Variants in DAP3 observed in about 807,000 individuals in gnomAD.
DAP3 encodes the protein death associated protein 3, also known as small ribosomal subunit protein mS29.
In DAP3, 28 loss-of-function variants were observed where a neutral mutation model predicts 51.9. That is an observed-to-expected ratio of 0.54 (90% CI 0.40 to 0.74). DAP3 has a LOEUF of 0.74. DAP3 is among the 30% of genes least tolerant of loss of function. DAP3 has a pLI of 0.00. For missense variants in DAP3, 458 were observed against 483.5 expected (o/e 0.95, Z 0.49); for synonymous variants, 170 against 170.3 (o/e 1.00, Z 0.01).
At chr1:155,688,183 C>A, upstream of DAP3, 1 of 1,613,916 alleles carries the variant, frequency 6.2e-7, no homozygotes, top group Non-Finnish European at 8.5e-7. Flanking sequence ...TGTCAGGAGG[C>A]GGCCAGCGGG....
intron 1 of DAP3, among the ~76,000 whole-genome samples, chr1:155,690,968 C>T (rs376455666): frequency 1.4e-5 from 2 of 141,676 alleles, no homozygotes; most frequent in Admixed American, 1.3e-4. Context: ...AGTGCAGTGG[C>T]GCGATCTCGG....
chr1:155,716,010 G>A (rs917820852), intron 2 of DAP3, among the ~76,000 whole-genome samples: 2 of 152,188 alleles, frequency 1.3e-5, no homozygotes, highest in African/African-American at 2.4e-5. Flanking sequence ...TGATAACTGA[G>A]GTGACTGACA....
intron 3 of DAP3, among the ~76,000 whole-genome samples, chr1:155,720,324 CAAAAAAAAAAAAA>C (rs61252469): frequency 2.4e-4 from 8 of 32,788 alleles, no homozygotes; most frequent in Non-Finnish European, 3.6e-4. Flanking sequence ...GATCTTGTCT[CAAAAAAAAAAAAA>C]AAAAAAAAAA....
rs1462857143 is a variant in DAP3 at position 155,692,112 on chromosome 1, A to G, written c.-8+2938A>G. 7.0e-5 allele frequency among the ~76,000 whole-genome samples: 10 copies of G among 141,994 alleles called. 1 individual carries two copies. The highest frequency in any genetic ancestry group is 1.0e-4 in the Non-Finnish European group (7 of 68,040). The allele number at this position is 141,994 out of a possible 152,430, so 93.2% of individuals were successfully genotyped here. A position where few individuals can be genotyped will look rare whatever the true frequency, so the allele number is the denominator to read the frequency against. On this transcript the variant is annotated intron_variant, in intron 1 of 12. Transcript: ENST00000368336. ...TTAAGTGAATCTCCTTTGTGCTTAA[A>G]CAACGTATCTTTAGTTAGCTGGTGG...
chr1:155,724,318 AAGTCT>A (rs1658326771), intron 4 of DAP3, among the ~76,000 whole-genome samples: 1 of 152,088 alleles, frequency 6.6e-6, no homozygotes, highest in Non-Finnish European at 1.5e-5. Flanking sequence ...CTAGAGAAAA[AAGTCT>A]AAATGGTTAA....
At chr1:155,709,752 C>CTTTTT in intron 1 of DAP3, 21 bp from the exon 2 acceptor site, 2 of 1,331,480 alleles carry the variant, frequency 1.5e-6, no homozygotes, top group South Asian at 1.3e-5. Context: ...TACCTTTTCA[C>CTTTTT]TTTTTTTTTT....
chr1:155,704,811 A>G (rs572420668), intron 1 of DAP3, among the ~76,000 whole-genome samples: 4 of 151,986 alleles, frequency 2.6e-5, no homozygotes, highest in African/African-American at 9.6e-5. Context: ...GAAACCCTGT[A>G]TCTACTAAAA....
chr1:155,721,705 TA>T (rs2149175839), intron 4 of DAP3, 87 bp downstream of exon 4: 1 of 1,280,398 alleles, frequency 7.8e-7, no homozygotes, highest in Non-Finnish European at 1.1e-6. Flanking sequence ...GAAGAAAATT[TA>T]AAAAGATGAA....
chr1:155,729,880 G>A (rs1250442037), intron 9 of DAP3, among the ~76,000 whole-genome samples: 5 of 151,794 alleles, frequency 3.3e-5, no homozygotes, highest in African/African-American at 1.2e-4. Context: ...CTTGGAGTTC[G>A]AGACCAGCCT....
intron 1 of DAP3, among the ~76,000 whole-genome samples, chr1:155,693,281 A>G (rs1250878529): frequency 7.0e-6 from 1 of 142,046 alleles, no homozygotes; most frequent in East Asian, 1.9e-4. Context: ...GGCTTGACAC[A>G]GCTCTGAATG....
At chr1:155,737,287 G>A (rs1302632508) in intron 12 of DAP3, among the ~76,000 whole-genome samples, 1 of 152,170 alleles carries the variant, frequency 6.6e-6, no homozygotes, top group Non-Finnish European at 1.5e-5. Flanking sequence ...TGATAAAGAA[G>A]GGAACAAAGG....
intron 4 of DAP3, among the ~76,000 whole-genome samples, chr1:155,724,024 G>A (rs987048271): frequency 6.8e-6 from 1 of 146,970 alleles, no homozygotes; most frequent in African/African-American, 2.6e-5. Flanking sequence ...GTGCGACAGA[G>A]CGAGACTCTG....
In DAP3 at chr1:155,700,704, G is replaced by A. The variant is rs1459486899; in HGVS notation, c.-7-9069G>A. On this transcript the variant is annotated intron_variant, in intron 1 of 12. Coordinates refer to ENST00000368336, the MANE Select transcript of DAP3 (RefSeq NM_004632.4). ...GTCCGGGAGGGAGATGGGGGGGTCA[G>A]CCCCCCAACCCGGCCAGCCGCCCCG... Among the ~76,000 whole-genome samples the A allele has an allele frequency of 2.9e-5, 4 of 138,022 alleles. No individual in the cohort carries two copies. In the East Asian group the frequency reaches 9.2e-4, roughly 32 times the overall value. The allele number at this position is 138,022 out of a possible 152,430, so 90.5% of individuals were successfully genotyped here.
chr1:155,692,776 C>T (rs1263628685), intron 1 of DAP3, among the ~76,000 whole-genome samples: 1 of 142,352 alleles, frequency 7.0e-6, no homozygotes, highest in Non-Finnish European at 1.5e-5. Flanking sequence ...ATTCCAATCA[C>T]ATTGCATTTG....
intron 4 of DAP3, among the ~76,000 whole-genome samples, chr1:155,722,323 C>T (rs937400124): frequency 5.9e-5 from 9 of 152,126 alleles, no homozygotes; most frequent in African/African-American, 1.7e-4. Flanking sequence ...TGGAGGATCG[C>T]TTGAGCTCAG....
Position 155,729,341 on chromosome 1 carries a change from C to A in DAP3, c.818C>A (p.Thr273Asn). The A allele has an allele frequency of 6.2e-7, 1 of 1,613,986 alleles. No homozygotes were observed. Among genetic ancestry groups the A allele is most frequent in the Non-Finnish European group, 8.5e-7 (1 of 1,179,968 alleles). Residue 273 changes from threonine (T) to asparagine (N), a missense_variant, in exon 9 of 13, where the codon ACT becomes AAT. Thr to Asn is a moderately conservative substitution (Grantham distance 65). Coordinates refer to ENST00000368336, the MANE Select transcript of DAP3 (RefSeq NM_004632.4). ...ATCAATGCTCTTTGGGGAAGAACCA[C>A]TCTGAAAAGAGAAGATAAAAGCCCG... ...DGINALWGRTTLKREDKSPIA... is the reference protein window; with the variant it reads ...DGINALWGRTNLKREDKSPIA...
At chr1:155,711,643 G>A (rs550333297) in intron 2 of DAP3, among the ~76,000 whole-genome samples, 2 of 151,836 alleles carry the variant, frequency 1.3e-5, no homozygotes, top group South Asian at 4.2e-4. Flanking sequence ...TCTCTACAGG[G>A]ACAGCACTAA....
chr1:155,691,201 C>G (rs1483098410), intron 1 of DAP3, among the ~76,000 whole-genome samples: 1 of 142,094 alleles, frequency 7.0e-6, no homozygotes, highest in African/African-American at 3.2e-5. Context: ...GCCACCATGC[C>G]CAGCCTCCAC....
intron 1 of DAP3, among the ~76,000 whole-genome samples, chr1:155,691,139 C>T (rs1653772571): frequency 7.0e-6 from 1 of 141,860 alleles, no homozygotes; most frequent in Non-Finnish European, 1.5e-5. Context: ...GATCTCCTGA[C>T]CTCATGATCC....
Sources: allele counts gnomAD v4.1 joint callset (sites outside exome capture counted in the v4.1 genomes callset), GRCh38; gene constraint gnomAD v4.1.1; transcripts MANE v1.5; gene names NCBI Gene and HGNC (gene_info 2026-07-23, HGNC 2026-07-21).